ZNF778: variants seen among roughly 807,000 people sequenced by gnomAD.
ZNF778 encodes the protein zinc finger protein 778.
ZNF778 carries 37 observed loss-of-function variants against 23.9 expected under a neutral mutation model. That is an observed-to-expected ratio of 1.54 (90% confidence interval 1.19 to 2.03). The LOEUF (loss-of-function observed/expected upper bound fraction) is 2.03, where lower values mean the gene tolerates loss of function less well. Ranked by LOEUF, ZNF778 falls within the 30% of genes most tolerant of loss-of-function variation. The probability of loss-of-function intolerance (pLI) is 0.00; values close to 1 mark genes in which losing one functional copy is unlikely to be tolerated. For missense variants in ZNF778, 1,297 were observed against 934.4 expected (o/e 1.39, Z -5.06); for synonymous variants, 483 against 343.9 (o/e 1.40, Z -4.48).
rs1442576042 is a variant in ZNF778 at position 89,222,149 on chromosome 16, G to C, written c.83G>C (p.Gly28Ala). The C allele has an allele frequency of 4.4e-6, 7 of 1,605,856 alleles. No individual in the cohort carries two copies. The Admixed American group carries it at 5.1e-5, about 12-fold the overall frequency. ...CATGAAGAACAGACACAGGCAGCAG[G>C]GATGGTGGCTGGCTGGCTGATAAAT... is the stretch of plus-strand genomic sequence containing the variant. The part of the protein sequence containing the change: ...CLHEEQTQAA[G>A]MVAGWLINCY... Residue 28 changes from glycine to alanine, a missense_variant, in exon 3 of 7, where the codon GGG becomes GCG. By Grantham distance (60) the Gly-to-Ala change is moderately conservative. Coordinates refer to ENST00000433976, the MANE Select transcript of ZNF778 (RefSeq NM_001201407.2).
intron 1 of ZNF778, among the ~76,000 whole-genome samples, chr16:89,218,648 G>A (rs960536682): frequency 1.3e-5 from 2 of 151,752 alleles, no homozygotes; most frequent in Admixed American, 6.6e-5. Flanking sequence ...AAAATTAGCC[G>A]GGCGTGGTGG....
chr16:89,222,917 G>A (rs530698743), intron 3 of ZNF778, among the ~76,000 whole-genome samples: 5 of 150,008 alleles, frequency 3.3e-5, no homozygotes, highest in African/African-American at 9.7e-5. Flanking sequence ...GACAGGGTGC[G>A]CGTGACTGGA....
chr16:89,222,975 G>A (rs539575539), intron 3 of ZNF778, among the ~76,000 whole-genome samples, 182 bp from the exon 4 acceptor site: 17 of 152,274 alleles, frequency 1.1e-4, no homozygotes, highest in East Asian at 3.9e-4. Flanking sequence ...CAGGGTGCGC[G>A]TGACTGGAGG....
At chr16:89,220,886 C>T (rs748238050) in intron 1 of ZNF778, 111 bp from the exon 2 acceptor site, 12 of 519,680 alleles carry the variant, frequency 2.3e-5, no homozygotes, top group Non-Finnish European at 4.2e-5. Context: ...ATTACTAGTC[C>T]TCAAGAGAGT....
chr16:89,227,784 A>T lies in ZNF778; in HGVS notation c.1496A>T (p.His499Leu). ...AGCCTGACTGAGCACGCGAGAATCC[A>T]TACCGGAGAGAAACCCTACGAATGT... ...SSSLTEHARI[H>L]TGEKPYECKQ... is the part of the protein sequence containing the mutation. Residue 499 changes from histidine (H) to leucine (L), a missense_variant, in exon 7 of 7, where the codon CAT becomes CTT. His to Leu is a moderately conservative substitution (Grantham distance 99). Transcript: ENST00000433976. 1 of 1,613,224 alleles carries T rather than the reference A, an allele frequency of 6.2e-7. No homozygotes were observed. The highest frequency in any genetic ancestry group is 8.5e-7 in the Non-Finnish European group (1 of 1,179,256).
chr16:89,225,275 C>G (rs1355179390), intron 5 of ZNF778, among the ~76,000 whole-genome samples: 1 of 151,898 alleles, frequency 6.6e-6, no homozygotes, highest in African/African-American at 2.4e-5. Flanking sequence ...GCTGCCACGC[C>G]TGGCCAAGTT....
At position 89,233,390 on chromosome 16, in the gene ZNF778, GCA is replaced by G; in HGVS notation, c.*4830_*4831del. On this transcript the variant is annotated 3_prime_UTR_variant, in exon 7 of 7. Transcript: ENST00000433976. ...TCGCACTGCGTATGCAACTCAACTC[GCA>G]CTGCGTATGCAACTCAACTCGCACT... The G allele has an allele frequency of 4.3e-5, 34 of 795,504 alleles. No homozygotes were observed. Among genetic ancestry groups the G allele is most frequent in the Non-Finnish European group, 5.2e-5 (31 of 599,776 alleles). 49.3% of individuals were successfully genotyped at this position (795,504 alleles called of 1,614,324 possible).
At chr16:89,218,206 T>G (rs1423415528) in intron 1 of ZNF778, 1 of 152,242 alleles carries the variant, frequency 6.6e-6, no homozygotes, top group Non-Finnish European at 1.5e-5. Flanking sequence ...ACAGTGTGTT[T>G]CGACTAACTG....
chr16:89,220,409 A>G (rs1371076752), intron 1 of ZNF778, among the ~76,000 whole-genome samples: 3 of 152,126 alleles, frequency 2.0e-5, no homozygotes, highest in African/African-American at 4.8e-5. Context: ...TGTAATCTCA[A>G]CACTTTGGGA....
In ZNF778 at chr16:89,231,729, A is replaced by T. The variant is rs913138091; in HGVS notation, c.*3167A>T. 3.3e-5 allele frequency: 5 copies of T among 152,126 alleles called. No individual in the cohort carries two copies. Among genetic ancestry groups the T allele is most frequent in the African/African-American group, 1.2e-4 (5 of 41,412 alleles). The allele number at this position is 152,126 out of a possible 1,614,324, so 9.4% of individuals were successfully genotyped here. ...TGTCTGTGAAGTCTCAATAATTGAT[A>T]CCAAAATGTTTTGTTTCACCAGGAG... is the stretch of plus-strand genomic sequence containing the variant. On this transcript the variant is annotated 3_prime_UTR_variant, in exon 7 of 7. Transcript: ENST00000433976.
chr16:89,222,063 C>T (rs771282428), intron 2 of ZNF778, 29 bp from the exon 3 acceptor site: 7 of 1,543,048 alleles, frequency 4.5e-6, no homozygotes, highest in Non-Finnish European at 6.2e-6. Context: ...TCTGGGTTCT[C>T]ATGCCTTCTT....
intron 6 of ZNF778, among the ~76,000 whole-genome samples, chr16:89,226,062 C>T (rs975012267): frequency 1.3e-5 from 2 of 152,148 alleles, no homozygotes; most frequent in East Asian, 1.9e-4. Context: ...GAGGCATGTG[C>T]CACCATGCCC....
chr16:89,223,170 T>C lies in ZNF778; in HGVS notation c.131T>C (p.Phe44Ser), dbSNP rs1165209905. 2 of 1,613,740 alleles carry C rather than the reference T, an allele frequency of 1.2e-6. No homozygotes were observed. The highest frequency in any genetic ancestry group is 1.7e-6 in the Non-Finnish European group (2 of 1,179,890). The change falls in exon 4 of 7, where the codon TTT becomes TCT. Residue 44 changes from phenylalanine to serine, a missense_variant. Physicochemically the swap from Phe to Ser is radical, Grantham distance 155 (BLOSUM62 -2). Transcript: ENST00000433976. ...LINCYQDAVT[F>S]DDVAVDFTQE... The stretch of plus-strand genomic sequence containing the variant: ...GTGATGATTTAGGACGCGGTGACCT[T>C]TGACGACGTGGCTGTGGACTTCACC...
In ZNF778 at chr16:89,217,822, C is replaced by T. The variant is rs117496293; in HGVS notation, c.-220C>T. ...GGAGTGGGCGCCCGCCCGCCTGCCT[C>T]GCGCCTTGCGCCCCCGGCACCGCTT... On this transcript the variant is annotated 5_prime_UTR_variant, in exon 1 of 7. Coordinates refer to ENST00000433976, the MANE Select transcript of ZNF778 (RefSeq NM_001201407.2). 11,579 of 152,328 alleles carry T rather than the reference C, an allele frequency of 0.076. 549 individuals carry two copies. Among genetic ancestry groups the T allele is most frequent in the Non-Finnish European group, 0.11 (7,382 of 68,038 alleles). The allele number at this position is 152,328 out of a possible 1,614,324, so 9.4% of individuals were successfully genotyped here.
Position 89,233,869 on chromosome 16 carries a change from C to A in ZNF778, c.*5307C>A. On this transcript the variant is annotated 3_prime_UTR_variant, in exon 7 of 7. Transcript: ENST00000433976. ...CCACTTCCTTTTTCTAACTACCACA[C>A]CAAGCCAGTATTTCTCCTCCCTGAA... The A allele has an allele frequency of 7.8e-7, 1 of 1,289,896 alleles. No homozygotes were observed. 79.9% of individuals were successfully genotyped at this position (1,289,896 alleles called of 1,614,324 possible).
Position 89,227,192 on chromosome 16 carries a change from G to A in ZNF778, c.904G>A (p.Val302Ile). 2 of 1,613,924 alleles carry A rather than the reference G, an allele frequency of 1.2e-6. No individual in the cohort carries two copies. The highest frequency in any genetic ancestry group is 1.1e-5 in the South Asian group (1 of 91,080). ...TGCCTACCTTACTGGTCGCGTGCAA[G>A]TCCACCCTGGGGAAAAGCCCTGTGA... Reference protein sequence around the residue: ...YTAYLTGRVQVHPGEKPCELE... With the variant: ...YTAYLTGRVQIHPGEKPCELE... The change falls in exon 7 of 7, where the codon GTC (valine) becomes ATC (isoleucine). Residue 302 changes from valine to isoleucine, a missense_variant. Val to Ile is a conservative substitution (Grantham distance 29). Transcript: ENST00000433976.
chr16:89,224,532 T>C (rs1340817643), intron 4 of ZNF778, 187 bp from the exon 5 acceptor site: 3 of 493,560 alleles, frequency 6.1e-6, no homozygotes, highest in Non-Finnish European at 1.1e-5. Context: ...GGCAAGAGAA[T>C]CACTTGAACC....
At position 89,226,714 on chromosome 16, in the gene ZNF778, G is replaced by A. The variant is rs748303381; in HGVS notation, c.426G>A (p.Gly142=). The A allele has an allele frequency of 2.1e-5, 34 of 1,612,014 alleles. No individual in the cohort carries two copies. In the Admixed American group the frequency reaches 5.3e-4, roughly 25 times the overall value. ...AACAGGCAAGAAGCCACAATGGAGG[G>A]CAGCTCTGTGACCGCACGCAGTGTG... ...ETQTARSHNG[G]QLCDRTQCGE... is the part of the protein sequence containing the mutation. The change falls in exon 7 of 7, where the codon GGG becomes GGA. Residue 142 remains glycine (G), a synonymous_variant. Coordinates refer to ENST00000433976, the MANE Select transcript of ZNF778 (RefSeq NM_001201407.2).
chr16:89,233,785 G>T lies in ZNF778; in HGVS notation c.*5223G>T, dbSNP rs528045660. The T allele has an allele frequency of 2.4e-6, 3 of 1,264,678 alleles. No homozygotes were observed. Among genetic ancestry groups the T allele is most frequent in the South Asian group, 2.5e-5 (2 of 79,236 alleles). The allele number at this position is 1,264,678 out of a possible 1,614,324, so 78.3% of individuals were successfully genotyped here. A position where few individuals can be genotyped will look rare whatever the true frequency, so the allele number is the denominator to read the frequency against. ...GCGTATGCAACTCAACTCGCACTGC[G>T]TATGCAACTCAGCTCGCACTGCGTA... On this transcript the variant is annotated 3_prime_UTR_variant, in exon 7 of 7. Coordinates refer to ENST00000433976, the MANE Select transcript of ZNF778 (RefSeq NM_001201407.2).
Sources: gnomAD v4.1 joint callset for allele counts (sites outside exome capture counted in the v4.1 genomes callset) on GRCh38, gnomAD v4.1.1 for gene constraint, MANE v1.5 for transcripts, NCBI Gene and HGNC (gene_info 2026-07-23, HGNC 2026-07-21) for gene names.